The following ROBO2 variants were observed in gnomAD, a reference collection of about 807,000 sequenced individuals.
ROBO2 encodes the protein roundabout guidance receptor 2, also known as roundabout homolog 2.
A neutral mutation model predicts 160.8 loss-of-function variants in ROBO2; 53 were observed. That is an observed-to-expected ratio of 0.33 (90% CI 0.26 to 0.41). The LOEUF is 0.41. ROBO2 is among the 10% of genes least tolerant of loss of function. The pLI, the probability that ROBO2 is intolerant of heterozygous loss-of-function variation, is 1.00. For missense variants in ROBO2, 1,577 were observed against 1,722.4 expected, an observed-to-expected ratio of 0.92 and a Z score of 1.49; for synonymous variants, 664 against 611.7, an observed-to-expected ratio of 1.09 and a Z score of -1.26.
At chr3:76,497,665 C>T (rs193288522) in intron 2 of ROBO2, among the ~76,000 whole-genome samples, 28 of 152,290 alleles carry the variant, frequency 1.8e-4, no homozygotes, top group Admixed American at 1.2e-3. Flanking sequence ...AGGCAAGTCA[C>T]GTTGAAATCA....
intron 2 of ROBO2, among the ~76,000 whole-genome samples, chr3:76,253,714 A>G (rs1254068138): frequency 6.6e-6 from 1 of 151,766 alleles, no homozygotes; most frequent in Non-Finnish European, 1.5e-5. Flanking sequence ...GTATTAGCAT[A>G]TATAAGCATC....
chr3:77,207,302 C>G (rs1203449261), intron 2 of ROBO2, among the ~76,000 whole-genome samples: 1 of 152,124 alleles, frequency 6.6e-6, no homozygotes, highest in East Asian at 1.9e-4. Context: ...TAGTTAGAAT[C>G]ATTCTAAAAT....
intron 2 of ROBO2, among the ~76,000 whole-genome samples, chr3:77,280,849 G>A (rs2060195768): frequency 6.6e-6 from 1 of 152,084 alleles, no homozygotes; most frequent in African/African-American, 2.4e-5. Flanking sequence ...CACTCATGTG[G>A]ACACTGATTA....
chr3:77,523,561 A>T (rs534944364), intron 6 of ROBO2, among the ~76,000 whole-genome samples: 1 of 151,512 alleles, frequency 6.6e-6, no homozygotes, highest in East Asian at 1.9e-4. Context: ...GGAATTGCTT[A>T]TAAGTGAAAG....
At chr3:76,418,466 C>A (rs1255556998) in intron 2 of ROBO2, among the ~76,000 whole-genome samples, 1 of 152,164 alleles carries the variant, frequency 6.6e-6, no homozygotes, top group Admixed American at 6.5e-5. Flanking sequence ...GTCTCGACCT[C>A]TTGACCTCAT....
At chr3:77,464,105 G>T (rs932048361) in intron 2 of ROBO2, among the ~76,000 whole-genome samples, 3 of 152,108 alleles carry the variant, frequency 2.0e-5, no homozygotes, top group African/African-American at 7.2e-5. Flanking sequence ...AAAGACAAAG[G>T]CTTTTTTTAA....
At chr3:77,296,398 G>A (rs12631368) in intron 2 of ROBO2, among the ~76,000 whole-genome samples, 14,608 of 152,126 alleles carry the variant, frequency 0.096, 955 homozygotes, top group East Asian at 0.35. Context: ...GATCACCAAA[G>A]ACATAAAGTA....
intron 2 of ROBO2, among the ~76,000 whole-genome samples, chr3:77,293,728 G>A: frequency 7.0e-6 from 1 of 142,162 alleles, no homozygotes; most frequent in African/African-American, 2.8e-5. Context: ...TAAAATTGAT[G>A]GTTAAACGGG....
intron 2 of ROBO2, among the ~76,000 whole-genome samples, chr3:76,238,473 C>G (rs1705087289): frequency 6.6e-6 from 1 of 152,064 alleles, no homozygotes; most frequent in Non-Finnish European, 1.5e-5. Flanking sequence ...CCAAGGGCTT[C>G]CCCCTAGACA....
At chr3:76,770,219 T>C (rs545106943) in intron 2 of ROBO2, among the ~76,000 whole-genome samples, 5 of 151,370 alleles carry the variant, frequency 3.3e-5, no homozygotes, top group African/African-American at 1.2e-4. Flanking sequence ...TAAGTAGATA[T>C]AAAATTTGAT....
intron 2 of ROBO2, among the ~76,000 whole-genome samples, chr3:77,307,180 G>A (rs1375666111): frequency 2.0e-5 from 3 of 152,134 alleles, no homozygotes; most frequent in East Asian, 1.9e-4. Context: ...TCCTGGCCTC[G>A]TTAATTTATG....
chr3:76,331,638 A>T (rs2108031544), intron 2 of ROBO2, among the ~76,000 whole-genome samples: 1 of 152,076 alleles, frequency 6.6e-6, no homozygotes, highest in East Asian at 1.9e-4. Flanking sequence ...TGAAATCCCA[A>T]ATTTAGGGAA....
chr3:76,993,298 ACAT>A (rs1662203810), intron 2 of ROBO2, among the ~76,000 whole-genome samples: 1 of 152,320 alleles, frequency 6.6e-6, no homozygotes, highest in East Asian at 1.9e-4. Context: ...TAAAATGTAA[ACAT>A]CACTCTTAGC....
At chr3:76,645,553 A>G (rs2090922866) in intron 2 of ROBO2, among the ~76,000 whole-genome samples, 4 of 152,282 alleles carry the variant, frequency 2.6e-5, no homozygotes, top group South Asian at 4.1e-4. Context: ...TAAGGAAAGT[A>G]ATATAGTGAA....
At chr3:76,634,954 T>C (rs530905727) in intron 2 of ROBO2, among the ~76,000 whole-genome samples, 1 of 152,118 alleles carries the variant, frequency 6.6e-6, no homozygotes, top group Non-Finnish European at 1.5e-5. Context: ...GGGATCTAGG[T>C]TGCACACTCC....
At chr3:76,190,294 G>A (rs530233334) in intron 2 of ROBO2, among the ~76,000 whole-genome samples, 8 of 152,142 alleles carry the variant, frequency 5.3e-5, no homozygotes, top group South Asian at 2.1e-4. Context: ...TGTCCCTCCC[G>A]AAGAGGTGTG....
At chr3:76,434,570 G>C in intron 2 of ROBO2, 1 of 1,587,002 alleles carries the variant, frequency 6.3e-7, no homozygotes, top group Non-Finnish European at 8.6e-7. Flanking sequence ...TATACGGACA[G>C]AGCTGCAGGC....
At chr3:77,501,090 G>C (rs908960565) in intron 5 of ROBO2, among the ~76,000 whole-genome samples, 1 of 152,138 alleles carries the variant, frequency 6.6e-6, no homozygotes, top group Admixed American at 6.5e-5. Context: ...GCCACAGTAG[G>C]TGTGTTTCTT....
chr3:76,431,678 T>G (rs1314091769), intron 2 of ROBO2, among the ~76,000 whole-genome samples: 3 of 152,126 alleles, frequency 2.0e-5, no homozygotes, highest in Non-Finnish European at 4.4e-5. Context: ...ATGCTGTTGA[T>G]GCCAAATGAG....
Sources: gnomAD v4.1 joint callset for allele counts (sites outside exome capture counted in the v4.1 genomes callset) on GRCh38, gnomAD v4.1.1 for gene constraint, MANE v1.5 for transcripts, NCBI Gene and HGNC (gene_info 2026-07-23, HGNC 2026-07-21) for gene names.